SGCZ: variants seen among roughly 807,000 people sequenced by gnomAD.
The protein encoded by SGCZ is sarcoglycan zeta.
In SGCZ, 40 loss-of-function variants were observed where a neutral mutation model predicts 41.3. That is an observed-to-expected ratio of 0.97 (90% CI 0.75 to 1.26). SGCZ has a LOEUF of 1.26. Ranked by LOEUF, SGCZ falls within the 50% of genes most tolerant of loss-of-function variation. The pLI is 0.00. For missense variants in SGCZ, 552 were observed against 369.8 expected, an observed-to-expected ratio of 1.49 and a Z score of -4.04; for synonymous variants, 206 against 137.5, an observed-to-expected ratio of 1.50 and a Z score of -3.49.
chr8:14,195,446 G>C (rs1369933640), intron 4 of SGCZ, among the ~76,000 whole-genome samples: 2 of 152,062 alleles, frequency 1.3e-5, no homozygotes, highest in Non-Finnish European at 2.9e-5. Flanking sequence ...TTAGAATTTG[G>C]AGTCTCTGAG....
chr8:14,341,929 A>T (rs144977871), intron 2 of SGCZ, among the ~76,000 whole-genome samples: 1,690 of 152,300 alleles, frequency 0.011, 28 homozygotes, highest in African/African-American at 0.038. Context: ...CAGCAGTGTG[A>T]AAACAGAATA....
intron 1 of SGCZ, among the ~76,000 whole-genome samples, chr8:15,209,117 C>G (rs1485236947): frequency 1.3e-5 from 2 of 151,948 alleles, no homozygotes; most frequent in Non-Finnish European, 2.9e-5. Context: ...TTAGTTTTTC[C>G]ATCTGAAAAT....
At chr8:14,849,319 C>T (rs1438596526) in intron 1 of SGCZ, among the ~76,000 whole-genome samples, 1 of 151,888 alleles carries the variant, frequency 6.6e-6, no homozygotes, top group East Asian at 1.9e-4. Context: ...TCCAACCATT[C>T]CACTCCCAGA....
At chr8:14,183,202 T>C (rs999887523) in intron 4 of SGCZ, among the ~76,000 whole-genome samples, 1 of 152,048 alleles carries the variant, frequency 6.6e-6, no homozygotes, top group African/African-American at 2.4e-5. Context: ...TACAAAATAT[T>C]GCCAAATTGA....
At chr8:14,463,168 T>C (rs1007132362) in intron 2 of SGCZ, among the ~76,000 whole-genome samples, 2 of 151,518 alleles carry the variant, frequency 1.3e-5, no homozygotes, top group Non-Finnish European at 3.0e-5. Context: ...TTGTCATTTA[T>C]TTTTACATAT....
At chr8:14,342,702 A>T (rs1337723077) in intron 2 of SGCZ, among the ~76,000 whole-genome samples, 20 of 152,198 alleles carry the variant, frequency 1.3e-4, no homozygotes, top group Non-Finnish European at 7.3e-5. Context: ...GAAGCAGAGC[A>T]TAAAGGCTTG....
intron 2 of SGCZ, among the ~76,000 whole-genome samples, chr8:14,357,663 A>G (rs1224359745): frequency 6.6e-6 from 1 of 152,176 alleles, no homozygotes; most frequent in African/African-American, 2.4e-5. Flanking sequence ...AAAGGCATTG[A>G]CTGTTGATTA....
At chr8:15,069,061 C>G (rs977675227) in intron 1 of SGCZ, among the ~76,000 whole-genome samples, 1 of 152,222 alleles carries the variant, frequency 6.6e-6, no homozygotes, top group African/African-American at 2.4e-5. Flanking sequence ...TATTGGCTGA[C>G]AGACGGCACC....
At chr8:14,771,320 T>A (rs1190321926) in intron 1 of SGCZ, among the ~76,000 whole-genome samples, 1 of 152,086 alleles carries the variant, frequency 6.6e-6, no homozygotes, top group East Asian at 1.9e-4. Flanking sequence ...AAAACTCAGA[T>A]CTAAGAGTAA....
At chr8:14,992,956 C>A (rs571470718) in intron 1 of SGCZ, among the ~76,000 whole-genome samples, 1 of 151,550 alleles carries the variant, frequency 6.6e-6, no homozygotes, top group East Asian at 2.0e-4. Context: ...TTACCCCCCA[C>A]CCATCCTCCT....
At chr8:14,924,470 T>C (rs1799684751) in intron 1 of SGCZ, among the ~76,000 whole-genome samples, 1 of 152,078 alleles carries the variant, frequency 6.6e-6, no homozygotes, top group South Asian at 2.1e-4. Context: ...CAAAATCCAT[T>C]AATAGGTTTT....
intron 1 of SGCZ, among the ~76,000 whole-genome samples, chr8:14,715,549 C>CAT (rs1326542899): frequency 7.2e-6 from 1 of 138,984 alleles, no homozygotes; most frequent in Non-Finnish European, 1.5e-5. Flanking sequence ...CACACACACA[C>CAT]ACACACACAC....
intron 2 of SGCZ, among the ~76,000 whole-genome samples, chr8:14,344,947 G>A (rs1291508531): frequency 2.0e-5 from 3 of 152,020 alleles, no homozygotes; most frequent in East Asian, 3.9e-4. Flanking sequence ...CTAATTTAGG[G>A]CAAAATTTTG....
chr8:14,498,671 T>G (rs1211051569), intron 2 of SGCZ, among the ~76,000 whole-genome samples: 2 of 152,098 alleles, frequency 1.3e-5, no homozygotes, highest in Non-Finnish European at 2.9e-5. Context: ...ATACTAGTCA[T>G]TATACTGTTT....
chr8:14,799,344 C>T (rs1352071540), intron 1 of SGCZ, among the ~76,000 whole-genome samples: 1 of 152,062 alleles, frequency 6.6e-6, no homozygotes, highest in Admixed American at 6.6e-5. Flanking sequence ...AAAATCAACC[C>T]TTTAAATAAA....
Position 14,949,477 on chromosome 8 carries a change from C to A in SGCZ, c.39+288108G>T, listed in dbSNP as rs139922135. ...AGAAGACTGATTTCACTTCACATGA[C>A]TGATTTGTCTAGAGCATGAAGATTT... On this transcript the variant is annotated intron_variant, in intron 1 of 7. Transcript: ENST00000382080. 8.1e-4 allele frequency among the ~76,000 whole-genome samples: 123 copies of A among 152,140 alleles called. 1 individual carries two copies. In the Middle Eastern group the frequency reaches 0.017, roughly 21 times the overall value.
chr8:14,515,836 T>A (rs561042873), intron 2 of SGCZ, among the ~76,000 whole-genome samples: 49 of 152,232 alleles, frequency 3.2e-4, no homozygotes, highest in African/African-American at 1.2e-3. Flanking sequence ...TCTTTTTCAA[T>A]TAGATAAGTG....
At chr8:14,588,916 A>G (rs2117278885) in intron 1 of SGCZ, among the ~76,000 whole-genome samples, 1 of 152,310 alleles carries the variant, frequency 6.6e-6, no homozygotes, top group South Asian at 2.1e-4. Context: ...ACCTCTGACT[A>G]TGACATGGAA....
At chr8:14,900,684 T>C (rs995559407) in intron 1 of SGCZ, among the ~76,000 whole-genome samples, 1 of 152,192 alleles carries the variant, frequency 6.6e-6, no homozygotes, top group African/African-American at 2.4e-5. Flanking sequence ...GTGAAACTCA[T>C]GTTGAATATC....
Sources: allele counts gnomAD v4.1 joint callset (sites outside exome capture counted in the v4.1 genomes callset), GRCh38; gene constraint gnomAD v4.1.1; transcripts MANE v1.5; gene names NCBI Gene and HGNC (gene_info 2026-07-23, HGNC 2026-07-21).